CLTCL1: variants seen among roughly 807,000 people sequenced by gnomAD.
CLTCL1 encodes the protein clathrin heavy chain 2.
In CLTCL1, 159 loss-of-function variants were observed where a neutral mutation model predicts 190.0. The observed-to-expected ratio is 0.84, with a 90% CI of 0.74 to 0.95. The LOEUF is 0.95. Ranked by LOEUF, CLTCL1 falls within the 40% of genes least tolerant of loss-of-function variation. The pLI, the probability that CLTCL1 is intolerant of heterozygous loss-of-function variation, is 0.00. For synonymous variants in CLTCL1, 752 were observed against 769.6 expected, an observed-to-expected ratio of 0.98 and a Z score of 0.38; for missense variants, 1,878 against 2,033.4, an observed-to-expected ratio of 0.92 and a Z score of 1.47.
At chr22:19,221,744 C>T in intron 16 of CLTCL1, 133 bp from the exon 17 acceptor site, 1 of 979,922 alleles carries the variant, frequency 1.0e-6, no homozygotes, top group South Asian at 1.7e-5. Flanking sequence ...GCTCTAGGGA[C>T]CAAGATGGAC....
At chr22:19,272,209 G>A (rs917309834) in intron 2 of CLTCL1, among the ~76,000 whole-genome samples, 1 of 152,186 alleles carries the variant, frequency 6.6e-6, no homozygotes, top group Non-Finnish European at 1.5e-5. Context: ...AGCAACAGAT[G>A]AGTAATTCTG....
intron 19 of CLTCL1, among the ~76,000 whole-genome samples, chr22:19,213,848 G>A (rs56222076): frequency 0.18 from 21,478 of 116,880 alleles, 2,283 homozygotes; most frequent in East Asian, 0.52. Flanking sequence ...TTTGTATCCC[G>A]ACTGTGGTGA....
intron 2 of CLTCL1, chr22:19,257,989 T>G: frequency 1.7e-6 from 1 of 591,298 alleles, no homozygotes; most frequent in South Asian, 1.4e-5. Context: ...ACACTGACAA[T>G]GCCCATCTTG....
At position 19,187,601 on chromosome 22, in the gene CLTCL1, C is replaced by T; in HGVS notation, c.4562G>A (p.Trp1521Ter). ...AAYLYKGNNW[W>*]AQSVELCKKD... ...CTTGCAGAGCTCCACGCTCTGGGCC[C>T]ACCAGTTATTGCCCTTGTACAGATA... The change falls in exon 29 of 33, where the codon TGG becomes TAG. Residue 1521 changes from tryptophan (W) to a stop codon, truncating the protein, a stop_gained. Coordinates refer to ENST00000427926, the MANE Select transcript of CLTCL1 (RefSeq NM_007098.4). LOFTEE classifies it high-confidence loss of function. The T allele has an allele frequency of 6.2e-7, 1 of 1,613,332 alleles. No individual in the cohort carries two copies. The highest frequency in any genetic ancestry group is 1.8e-4 in the Middle Eastern group (1 of 5,652).
At chr22:19,284,496 A>AC (rs1239045682) in intron 1 of CLTCL1, among the ~76,000 whole-genome samples, 1 of 151,682 alleles carries the variant, frequency 6.6e-6, no homozygotes, top group Non-Finnish European at 1.5e-5. Flanking sequence ...CCCCATCTCT[A>AC]TAAAAATACA....
chr22:19,291,506 G>T, intron 1 of CLTCL1, 94 bp downstream of exon 1: 1 of 1,151,392 alleles, frequency 8.7e-7, no homozygotes, highest in Non-Finnish European at 1.1e-6. Context: ...CTGGGCAGCG[G>T]CTCAGCGGGG....
At chr22:19,253,368 G>T (rs1171322331) in intron 3 of CLTCL1, among the ~76,000 whole-genome samples, 4 of 152,102 alleles carry the variant, frequency 2.6e-5, no homozygotes, top group Non-Finnish European at 4.4e-5. Context: ...CCCTCCCTGC[G>T]GCAGCTGTGC....
intron 23 of CLTCL1, among the ~76,000 whole-genome samples, chr22:19,200,816 T>C (rs894068235): frequency 6.6e-6 from 1 of 152,220 alleles, no homozygotes; most frequent in Admixed American, 6.5e-5. Context: ...TACTCCAGCC[T>C]GGGCGACAGA....
intron 10 of CLTCL1, 75 bp from the exon 11 acceptor site, chr22:19,230,050 C>T (rs1555958144): frequency 3.8e-6 from 5 of 1,327,542 alleles, no homozygotes; most frequent in South Asian, 1.6e-5. Flanking sequence ...GAAATAGTTC[C>T]TGAAATATTA....
Position 19,234,564 on chromosome 22 carries a change from A to C in CLTCL1, c.1112T>G (p.Leu371Arg). The C allele has an allele frequency of 1.2e-6, 2 of 1,613,970 alleles. No individual in the cohort carries two copies. Among genetic ancestry groups the C allele is most frequent in the South Asian group, 2.2e-5 (2 of 91,074 alleles). ...EKLFVRKFNT[L>R]FAQGSYAEAA... ...TTCAGCATAGCTGCCCTGTGCAAAGAGGGTATTGAATTTTCTCACAAACAA... is the reference window on the plus strand; with the variant it reads ...TTCAGCATAGCTGCCCTGTGCAAAGCGGGTATTGAATTTTCTCACAAACAA... Residue 371 changes from leucine (L) to arginine (R), a missense_variant, in exon 7 of 33, where the codon CTC (leucine) becomes CGC (arginine). Transcript: ENST00000427926.
intron 28 of CLTCL1, 21 bp downstream of exon 28, chr22:19,187,960 G>T: frequency 6.2e-7 from 1 of 1,607,044 alleles, no homozygotes; most frequent in Non-Finnish European, 8.5e-7. Context: ...CCCAGGACAG[G>T]GCTCCTTCCT....
chr22:19,186,065 A>G (rs1385023211), intron 29 of CLTCL1, among the ~76,000 whole-genome samples: 2 of 152,216 alleles, frequency 1.3e-5, no homozygotes, highest in African/African-American at 4.8e-5. Flanking sequence ...GTGAAACTCA[A>G]TGCAACACTG....
intron 10 of CLTCL1, 36 bp downstream of exon 10, chr22:19,232,440 A>T (rs782620701): frequency 1.9e-6 from 3 of 1,613,034 alleles, no homozygotes; most frequent in Non-Finnish European, 2.5e-6. Flanking sequence ...GGCTCTAAAA[A>T]GCCACAAAAA....
Position 19,198,389 on chromosome 22 carries a change from C to T in CLTCL1, c.3873+1345G>A, listed in dbSNP as rs1007607332. 6.6e-6 allele frequency among the ~76,000 whole-genome samples: 1 copy of T among 152,180 alleles called. No individual in the cohort carries two copies. The highest frequency in any genetic ancestry group is 1.5e-5 in the Non-Finnish European group (1 of 68,040). Reference sequence around the variant, plus strand: ...TACTCCTCAAGTATGTGTCTCAGCACATGAGCCACCATGATCCTTTTACCC... The same window carrying T: ...TACTCCTCAAGTATGTGTCTCAGCATATGAGCCACCATGATCCTTTTACCC... On this transcript the variant is annotated intron_variant, in intron 24 of 32. Coordinates refer to ENST00000427926, the MANE Select transcript of CLTCL1 (RefSeq NM_007098.4). The surrounding 1 kb of genome is among the most constrained non-coding windows in gnomAD (Gnocchi z 4.1).
At chr22:19,212,982 CT>C (rs552513178) in intron 19 of CLTCL1, among the ~76,000 whole-genome samples, 10 of 152,202 alleles carry the variant, frequency 6.6e-5, no homozygotes, top group Non-Finnish European at 1.3e-4. Context: ...ATGAATTGGA[CT>C]TTATCAAAAT....
chr22:19,190,998 G>C (rs183402821), intron 27 of CLTCL1, among the ~76,000 whole-genome samples: 3 of 151,934 alleles, frequency 2.0e-5, no homozygotes. Context: ...GGGTGGTCTC[G>C]ATCTCCTGAC....
At chr22:19,219,336 T>C (rs550692818) in intron 18 of CLTCL1, among the ~76,000 whole-genome samples, 2 of 151,330 alleles carry the variant, frequency 1.3e-5, no homozygotes, top group Admixed American at 1.3e-4. Context: ...ATTACAAGCA[T>C]GCGCCACACA....
At chr22:19,283,654 T>A (rs2087803706) in intron 1 of CLTCL1, among the ~76,000 whole-genome samples, 2 of 152,272 alleles carry the variant, frequency 1.3e-5, no homozygotes, top group South Asian at 4.1e-4. Flanking sequence ...CTAATGATCC[T>A]TTTCAGTTCT....
Position 19,208,140 on chromosome 22 carries a change from G to C in CLTCL1, c.3600+14C>G. 1 of 1,613,802 alleles carries C rather than the reference G, an allele frequency of 6.2e-7. No individual in the cohort carries two copies. Among genetic ancestry groups the C allele is most frequent in the Non-Finnish European group, 8.5e-7 (1 of 1,179,856 alleles). Reference sequence around the variant, plus strand: ...CTGACTGGCAGTGCACAGCCCCCAGGGGGCATGGCCTACCTGCTGGATGTG... The same window carrying C: ...CTGACTGGCAGTGCACAGCCCCCAGCGGGCATGGCCTACCTGCTGGATGTG... On this transcript the variant is annotated intron_variant, in intron 22 of 32. Transcript: ENST00000427926.
Sources: allele counts gnomAD v4.1 joint callset (sites outside exome capture counted in the v4.1 genomes callset), GRCh38; gene constraint gnomAD v4.1.1; non-coding constraint Gnocchi (gnomAD v3.1); transcripts MANE v1.5; gene names NCBI Gene and HGNC (gene_info 2026-07-23, HGNC 2026-07-21).